The following DLEU7 variants were observed in gnomAD, a reference collection of about 807,000 sequenced individuals.
DLEU7 encodes leukemia-associated protein 7.
Under a neutral mutation model 16.0 loss-of-function variants are expected in DLEU7, and 17 were observed. That is an observed-to-expected ratio of 1.06 (90% CI 0.73 to 1.59). DLEU7 has a LOEUF of 1.59. Ranked by LOEUF, DLEU7 falls within the 40% of genes most tolerant of loss-of-function variation. The pLI is 0.00. For missense variants in DLEU7, 308 were observed against 314.9 expected (o/e 0.98, Z 0.17); for synonymous variants, 113 against 139.8 (o/e 0.81, Z 1.35).
chr13:50,823,925 A>G (rs1937819220), intron 1 of DLEU7, among the ~76,000 whole-genome samples: 1 of 152,260 alleles, frequency 6.6e-6, no homozygotes, highest in African/African-American at 2.4e-5. Flanking sequence ...TAAAAGAGCC[A>G]GATTCTAATC....
intron 1 of DLEU7, among the ~76,000 whole-genome samples, chr13:50,772,358 C>A (rs1318387141): frequency 6.6e-6 from 1 of 152,150 alleles, no homozygotes; most frequent in East Asian, 1.9e-4. Context: ...TTCTTCCTAG[C>A]CTCGATGGTC....
At position 50,723,843 on chromosome 13, in the gene DLEU7, AT is replaced by A. The variant is rs776173619; in HGVS notation, c.460-10604del. Among the ~76,000 whole-genome samples the A allele has an allele frequency of 1.8e-4, 27 of 151,904 alleles. No homozygotes were observed. In the East Asian group the frequency reaches 2.7e-3, roughly 15 times the overall value. ...ATAGCAGAAAAAAATAATAAAAAAA[AT>A]ATATATATGTACACACACACATATA... On this transcript the variant is annotated intron_variant, in intron 1 of 1. Transcript: ENST00000400393.
intron 1 of DLEU7, among the ~76,000 whole-genome samples, chr13:50,810,352 C>A (rs1375555833): frequency 6.6e-6 from 1 of 151,920 alleles, no homozygotes; most frequent in African/African-American, 2.4e-5. Flanking sequence ...GGTTTTAAAC[C>A]CAATACAGAG....
At chr13:50,768,616 A>C (rs1875194262) in intron 1 of DLEU7, among the ~76,000 whole-genome samples, 1 of 152,140 alleles carries the variant, frequency 6.6e-6, no homozygotes, top group South Asian at 2.1e-4. Flanking sequence ...ACATAAATTC[A>C]TCCCTGTTTA....
At chr13:50,804,335 A>C (rs1876331467) in intron 1 of DLEU7, among the ~76,000 whole-genome samples, 2 of 151,900 alleles carry the variant, frequency 1.3e-5, no homozygotes, top group Non-Finnish European at 2.9e-5. Flanking sequence ...AGTTTCCCTC[A>C]CCAAGAATAT....
intron 1 of DLEU7, among the ~76,000 whole-genome samples, chr13:50,783,276 C>A (rs1236797523): frequency 2.0e-5 from 3 of 152,204 alleles, no homozygotes; most frequent in Non-Finnish European, 2.9e-5. Flanking sequence ...TTTGTGCCCC[C>A]AGAGATGGCC....
chr13:50,729,445 A>C (rs756998900), intron 1 of DLEU7, among the ~76,000 whole-genome samples: 4 of 152,162 alleles, frequency 2.6e-5, no homozygotes, highest in Non-Finnish European at 5.9e-5. Context: ...ATGGGCACCT[A>C]GGGTGACCCC....
intron 1 of DLEU7, among the ~76,000 whole-genome samples, chr13:50,762,204 A>G (rs893319136): frequency 2.6e-5 from 4 of 151,634 alleles, no homozygotes; most frequent in Non-Finnish European, 5.9e-5. Flanking sequence ...AAAAAAAAAA[A>G]AAAAAAAGAA....
intron 1 of DLEU7, among the ~76,000 whole-genome samples, chr13:50,718,082 G>A (rs1043496701): frequency 1.3e-5 from 2 of 152,010 alleles, no homozygotes; most frequent in African/African-American, 2.4e-5. Context: ...AGAATATTTT[G>A]TTTTACAAGA....
intron 1 of DLEU7, among the ~76,000 whole-genome samples, chr13:50,808,310 G>A (rs925438687): frequency 6.6e-6 from 1 of 152,270 alleles, no homozygotes; most frequent in East Asian, 1.9e-4. Context: ...TGAGGCAGCT[G>A]AAAGAAATTG....
At chr13:50,800,264 A>T (rs897131488) in intron 1 of DLEU7, among the ~76,000 whole-genome samples, 2 of 152,214 alleles carry the variant, frequency 1.3e-5, no homozygotes, top group Non-Finnish European at 2.9e-5. Context: ...GTATCAGAAG[A>T]GTCCTATCTA....
At chr13:50,751,182 A>G (rs1315734194) in intron 1 of DLEU7, among the ~76,000 whole-genome samples, 1 of 152,130 alleles carries the variant, frequency 6.6e-6, no homozygotes, top group Non-Finnish European at 1.5e-5. Flanking sequence ...ACGTCTATTG[A>G]GATATCACGT....
chr13:50,782,722 T>C (rs2137766614), intron 1 of DLEU7, among the ~76,000 whole-genome samples: 1 of 151,766 alleles, frequency 6.6e-6, no homozygotes, highest in African/African-American at 2.4e-5. Flanking sequence ...GGACTCAAAA[T>C]TGTCTTTTGA....
chr13:50,775,182 T>C (rs1217627660), intron 1 of DLEU7, among the ~76,000 whole-genome samples: 1 of 151,924 alleles, frequency 6.6e-6, no homozygotes, highest in Non-Finnish European at 1.5e-5. Context: ...TCATACTAGA[T>C]ATTGTGGGTG....
chr13:50,809,991 C>A (rs1192969568), intron 1 of DLEU7, among the ~76,000 whole-genome samples: 1 of 151,320 alleles, frequency 6.6e-6, no homozygotes, highest in East Asian at 1.9e-4. Flanking sequence ...AGATCAACAA[C>A]AGAAGCAGCT....
intron 1 of DLEU7, among the ~76,000 whole-genome samples, chr13:50,814,333 T>C (rs1876658889): frequency 6.6e-6 from 1 of 151,946 alleles, no homozygotes; most frequent in Non-Finnish European, 1.5e-5. Flanking sequence ...TCCATCCATC[T>C]ATCCATTCAC....
downstream of DLEU7, among the ~76,000 whole-genome samples, chr13:50,822,187 AC>A (rs1876927672): frequency 6.6e-6 from 1 of 152,118 alleles, no homozygotes; most frequent in South Asian, 2.1e-4. Context: ...CAATATGTTT[AC>A]CTTTCATTCT....
chr13:50,753,352 G>T (rs1874641039), intron 1 of DLEU7, among the ~76,000 whole-genome samples: 1 of 152,252 alleles, frequency 6.6e-6, no homozygotes, highest in African/African-American at 2.4e-5. Flanking sequence ...GCGCCCTGGA[G>T]CAGGGGGCGG....
At chr13:50,827,510 C>A (rs548181629) in intron 1 of DLEU7, among the ~76,000 whole-genome samples, 294 of 146,154 alleles carry the variant, frequency 2.0e-3, no homozygotes, top group African/African-American at 7.5e-3. Context: ...AAAACCCTGT[C>A]TCTAAAAAAA....
Sources: gnomAD v4.1 joint callset for allele counts (sites outside exome capture counted in the v4.1 genomes callset) on GRCh38, gnomAD v4.1.1 for gene constraint, MANE v1.5 for transcripts, NCBI Gene and HGNC (gene_info 2026-07-23, HGNC 2026-07-21) for gene names.